Variants in SUGCT observed in about 807,000 individuals in gnomAD.
SUGCT encodes succinyl-CoA:glutarate CoA-transferase.
SUGCT carries 41 observed loss-of-function variants against 55.0 expected under a neutral mutation model. The ratio of observed to expected loss-of-function variants is 0.74; its 90% CI spans 0.58 to 0.97. The LOEUF is 0.97. SUGCT is among the 50% of genes least tolerant of loss of function. The pLI is 0.00. For missense variants in SUGCT, 568 were observed against 547.8 expected, an observed-to-expected ratio of 1.04 and a Z score of -0.37; for synonymous variants, 187 against 200.4, an observed-to-expected ratio of 0.93 and a Z score of 0.56.
rs185953550 is a variant in SUGCT at position 40,277,461 on chromosome 7, A to T, written c.720+2805A>T. Reference sequence around the variant, plus strand: ...TGCCTCAGCCTCCCAAAGTGCTGGGATTATAGGCGTGAGCCACTGCACCCA... The same window carrying T: ...TGCCTCAGCCTCCCAAAGTGCTGGGTTTATAGGCGTGAGCCACTGCACCCA... On this transcript the variant is annotated intron_variant, in intron 8 of 13. Transcript: ENST00000335693. Among the ~76,000 whole-genome samples, 82 of 151,902 alleles carry T rather than the reference A, an allele frequency of 5.4e-4. 1 individual carries two copies. In the Middle Eastern group the frequency reaches 0.01, roughly 19 times the overall value.
chr7:40,273,636 A>C (rs542576135), intron 7 of SUGCT, among the ~76,000 whole-genome samples: 2 of 152,210 alleles, frequency 1.3e-5, no homozygotes, highest in Non-Finnish European at 2.9e-5. Flanking sequence ...TGGAGATGTT[A>C]ATCAATATTA....
At chr7:40,460,182 C>CT (rs1789714881) in intron 11 of SUGCT, among the ~76,000 whole-genome samples, 1 of 152,176 alleles carries the variant, frequency 6.6e-6, no homozygotes, top group Admixed American at 6.5e-5. Flanking sequence ...CAACATTCAT[C>CT]TATCTATTTT....
At chr7:40,368,838 T>C (rs1025300439) in intron 9 of SUGCT, among the ~76,000 whole-genome samples, 1 of 152,126 alleles carries the variant, frequency 6.6e-6, no homozygotes, top group African/African-American at 2.4e-5. Flanking sequence ...GTGTGGTGGC[T>C]GACACCTGTA....
chr7:40,898,780 A>G, the SUGCT span, among the ~76,000 whole-genome samples: 1 of 152,052 alleles, frequency 6.6e-6, no homozygotes, highest in Non-Finnish European at 1.5e-5. Flanking sequence ...CCAATTCTGG[A>G]CACAAAATGG....
the SUGCT span, among the ~76,000 whole-genome samples, chr7:41,019,632 G>A: frequency 1.2e-3 from 177 of 152,254 alleles, no homozygotes; most frequent in Non-Finnish European, 1.9e-3. Context: ...CAAATTTATT[G>A]AATCAAATTT....
intron 12 of SUGCT, among the ~76,000 whole-genome samples, chr7:40,625,783 C>T (rs1047775517): frequency 6.6e-6 from 1 of 152,108 alleles, no homozygotes; most frequent in African/African-American, 2.4e-5. Flanking sequence ...GATTAGCAAG[C>T]CCCATCAGAA....
chr7:40,141,109 T>C (rs1787957239), intron 1 of SUGCT, among the ~76,000 whole-genome samples: 1 of 152,268 alleles, frequency 6.6e-6, no homozygotes, highest in East Asian at 1.9e-4. Flanking sequence ...GTAGCTATCA[T>C]AAATGGGACT....
chr7:40,964,354 A>G, the SUGCT span, among the ~76,000 whole-genome samples: 120,944 of 152,128 alleles, frequency 0.8, 48,213 homozygotes, highest in Middle Eastern at 0.83. Flanking sequence ...ATTTGCATGC[A>G]TCATAAAATC....
chr7:40,381,235 T>G (rs931913047), intron 9 of SUGCT, among the ~76,000 whole-genome samples: 1 of 151,992 alleles, frequency 6.6e-6, no homozygotes, highest in Non-Finnish European at 1.5e-5. Context: ...AATATATAAG[T>G]AATAGAAAAA....
intron 12 of SUGCT, among the ~76,000 whole-genome samples, chr7:40,696,765 G>A (rs1299159715): frequency 6.6e-6 from 1 of 152,030 alleles, no homozygotes; most frequent in African/African-American, 2.4e-5. Context: ...TACTATGAGG[G>A]GAAAGCACAC....
At position 40,398,730 on chromosome 7, in the gene SUGCT, C is replaced by A. The variant is rs188642936; in HGVS notation, c.817-50557C>A. On this transcript the variant is annotated intron_variant, in intron 9 of 13. Transcript: ENST00000335693. ...ATCACAACAGCTATAGGTAAAATAACCACAGAGTAATGAGAGTGAGAAAGA... is the reference window on the plus strand; with the variant it reads ...ATCACAACAGCTATAGGTAAAATAAACACAGAGTAATGAGAGTGAGAAAGA... Among the ~76,000 whole-genome samples, 31 of 152,044 alleles carry A rather than the reference C, an allele frequency of 2.0e-4. No individual in the cohort carries two copies. The East Asian group carries it at 6.0e-3, about 29-fold the overall frequency.
chr7:40,223,982 A>G lies in SUGCT; in HGVS notation c.485-13653A>G, dbSNP rs1337626542. 2.0e-5 allele frequency among the ~76,000 whole-genome samples: 3 copies of G among 152,284 alleles called. No homozygotes were observed. The East Asian group carries it at 5.8e-4, about 29-fold the overall frequency. ...AAAATGTCCTTTCACAGGCTGACGT[A>G]GTGCTGCTATTTGGAGTGTGGGAAT... On this transcript the variant is annotated intron_variant, in intron 6 of 13. Transcript: ENST00000335693.
chr7:40,944,618 C>A, the SUGCT span, among the ~76,000 whole-genome samples: 1 of 152,092 alleles, frequency 6.6e-6, no homozygotes, highest in Non-Finnish European at 1.5e-5. Flanking sequence ...TCTGAGGGCT[C>A]TGTTCTGTTC....
intron 1 of SUGCT, among the ~76,000 whole-genome samples, chr7:40,151,214 A>G (rs1351342156): frequency 6.6e-6 from 1 of 152,166 alleles, no homozygotes; most frequent in Non-Finnish European, 1.5e-5. Flanking sequence ...CATTCCAGCC[A>G]GGTGACAGAG....
intron 13 of SUGCT, among the ~76,000 whole-genome samples, chr7:40,823,620 T>C (rs1324387937): frequency 6.6e-6 from 1 of 152,174 alleles, no homozygotes; most frequent in Non-Finnish European, 1.5e-5. Flanking sequence ...GCATTTGGGA[T>C]GTGCATTTTC....
intron 13 of SUGCT, among the ~76,000 whole-genome samples, chr7:40,813,878 G>C (rs931971501): frequency 2.0e-5 from 3 of 152,122 alleles, no homozygotes; most frequent in Non-Finnish European, 4.4e-5. Context: ...TCTATGTTTA[G>C]AACTCTCTTA....
At chr7:40,365,440 G>C (rs569598446) in intron 9 of SUGCT, among the ~76,000 whole-genome samples, 5 of 151,756 alleles carry the variant, frequency 3.3e-5, no homozygotes, top group African/African-American at 1.2e-4. Context: ...AGGAAATAAA[G>C]GGTATTCAAT....
At chr7:40,411,389 T>C (rs1786681985) in intron 9 of SUGCT, among the ~76,000 whole-genome samples, 2 of 152,264 alleles carry the variant, frequency 1.3e-5, no homozygotes, top group Non-Finnish European at 1.5e-5. Context: ...TGAGACTGTG[T>C]CTCAAAACAA....
At chr7:40,203,510 C>T (rs574076271) in intron 6 of SUGCT, among the ~76,000 whole-genome samples, 21 of 152,312 alleles carry the variant, frequency 1.4e-4, no homozygotes, top group East Asian at 7.7e-4. Flanking sequence ...CACAGTGGCT[C>T]ATGCCTGTAA....
Sources: gnomAD v4.1 joint callset for allele counts (sites outside exome capture counted in the v4.1 genomes callset) on GRCh38, gnomAD v4.1.1 for gene constraint, MANE v1.5 for transcripts, NCBI Gene and HGNC (gene_info 2026-07-23, HGNC 2026-07-21) for gene names.